HLA-DOA: variants seen among roughly 807,000 people sequenced by gnomAD.
HLA-DOA encodes the protein HLA class II histocompatibility antigen, DO alpha chain.
In HLA-DOA, 27 loss-of-function variants were observed where a neutral mutation model predicts 22.9. The observed-to-expected ratio is 1.18, with a 90% CI of 0.87 to 1.62. HLA-DOA has a LOEUF of 1.62. Among genes scored for constraint, HLA-DOA ranks in the 40% most tolerant of loss-of-function variants. The pLI is 0.00. For missense variants in HLA-DOA, 324 were observed against 332.4 expected, an observed-to-expected ratio of 0.97 and a Z score of 0.20; for synonymous variants, 137 against 138.6, an observed-to-expected ratio of 0.99 and a Z score of 0.08.
At position 33,007,487 on chromosome 6, in the gene HLA-DOA, G is replaced by C; in HGVS notation, c.437C>G (p.Thr146Ser). 6.2e-7 allele frequency: 1 copy of C among 1,612,906 alleles called. No individual in the cohort carries two copies. Among genetic ancestry groups the C allele is most frequent in the Non-Finnish European group, 8.5e-7 (1 of 1,179,948 alleles). ...GACAGTTTGGCCGTTGCGCAGCCAG[G>C]TGATATTGATCACAGGGGGGAAGAT... ...DNIFPPVINI[T>S]WLRNGQTVTE... The change falls in exon 3 of 5, where the codon ACC becomes AGC. Residue 146 changes from threonine (T) to serine (S), a missense_variant. Transcript: ENST00000229829.
At position 33,008,193 on chromosome 6, in the gene HLA-DOA, C is replaced by A; in HGVS notation, c.151G>T (p.Glu51Ter). The A allele has an allele frequency of 6.2e-7, 1 of 1,613,104 alleles. No individual in the cohort carries two copies. The highest frequency in any genetic ancestry group is 8.5e-7 in the Non-Finnish European group (1 of 1,180,038). ...GAGAACAGCTGTTCCTCATCAAATT[C>A]ATGGGTGAACTGGCCCGAGGCGCCG... ...SYGASGQFTH[E>*]FDEEQLFSVD... Residue 51 changes from glutamate (E) to a stop codon, truncating the protein, a stop_gained, in exon 2 of 5, where the codon GAA (glutamate) becomes TAA (stop). Coordinates refer to ENST00000229829, the MANE Select transcript of HLA-DOA (RefSeq NM_002119.4). LOFTEE classifies it high-confidence loss of function.
chr6:33,006,768 G>A lies in HLA-DOA; in HGVS notation c.*70C>T, dbSNP rs1383244191. On this transcript the variant is annotated 3_prime_UTR_variant, in exon 5 of 5. Transcript: ENST00000229829. ...GATGCACTTAAAGGGCACTGAGCAC[G>A]CAGGGGCTGTCACAAACCCATGAGG... The A allele has an allele frequency of 1.2e-5, 20 of 1,612,404 alleles. No homozygotes were observed. Among genetic ancestry groups the A allele is most frequent in the South Asian group, 3.3e-5 (3 of 91,072 alleles).
chr6:33,006,732 C>T lies in HLA-DOA; in HGVS notation c.*106G>A. 6.3e-7 allele frequency: 1 copy of T among 1,594,606 alleles called. No homozygotes were observed. Among genetic ancestry groups the T allele is most frequent in the Non-Finnish European group, 8.6e-7 (1 of 1,163,532 alleles). ...GACAGATGTTGATCCCACTCAAAGT[C>T]AGCACAGCGGGATGCACTTAAAGGG... On this transcript the variant is annotated 3_prime_UTR_variant, in exon 5 of 5. Coordinates refer to ENST00000229829, the MANE Select transcript of HLA-DOA (RefSeq NM_002119.4).
chr6:33,007,952 C>G (rs1027981654), intron 2 of HLA-DOA, 61 bp downstream of exon 2: 12 of 1,558,404 alleles, frequency 7.7e-6, no homozygotes, highest in African/African-American at 1.4e-5. Context: ...AGCCTAGGAA[C>G]TGGGAGGAAG....
At chr6:33,008,981 G>C (rs1363831007) in intron 1 of HLA-DOA, among the ~76,000 whole-genome samples, 2 of 152,188 alleles carry the variant, frequency 1.3e-5, no homozygotes, top group Non-Finnish European at 2.9e-5. Flanking sequence ...CAGCACAATG[G>C]GGGGCCAGGG....
Position 33,006,315 on chromosome 6 carries a change from C to A in HLA-DOA, c.*523G>T. ...CCCATGAGCCTGTCCTGTCCCAGCA[C>A]CCTTCAGAACTGTTGTTAGCTGAGG... On this transcript the variant is annotated 3_prime_UTR_variant, in exon 5 of 5. Transcript: ENST00000229829. 5.3e-6 allele frequency: 1 copy of A among 189,302 alleles called. No individual in the cohort carries two copies. The highest frequency in any genetic ancestry group is 1.3e-4 in the East Asian group (1 of 7,670). The allele number at this position is 189,302 out of a possible 1,614,324, so 11.7% of individuals were successfully genotyped here. A position where few individuals can be genotyped will look rare whatever the true frequency, so the allele number is the denominator to read the frequency against.
chr6:33,008,501 G>T (rs758514509), intron 1 of HLA-DOA: 165 of 1,091,662 alleles, frequency 1.5e-4, no homozygotes, highest in Non-Finnish European at 1.9e-4. Context: ...TATCAGGATG[G>T]GAAGAGGAGG....
In HLA-DOA at chr6:33,004,320, T is replaced by TC. The variant is rs1780727729; in HGVS notation, c.*2517dup. The TC allele has an allele frequency of 6.6e-6, 1 of 152,158 alleles. No homozygotes were observed. Among genetic ancestry groups the TC allele is most frequent in the Non-Finnish European group, 1.5e-5 (1 of 68,026 alleles). 9.4% of individuals were successfully genotyped at this position (152,158 alleles called of 1,614,324 possible). ...TCAGAGATTGTTGGGTACACACGTA[T>TC]CTTGTGATGTCTTCTGAGAACCAAC... On this transcript the variant is annotated 3_prime_UTR_variant, in exon 5 of 5. Coordinates refer to ENST00000229829, the MANE Select transcript of HLA-DOA (RefSeq NM_002119.4).
chr6:33,007,023 C>A, intron 4 of HLA-DOA, 57 bp downstream of exon 4: 2 of 1,569,988 alleles, frequency 1.3e-6, no homozygotes, highest in Non-Finnish European at 8.7e-7. Context: ...CACCCACGTC[C>A]TGTTCAGAGT....
chr6:33,009,553 A>T lies in HLA-DOA; in HGVS notation c.-17T>A. 1 of 1,578,730 alleles carries T rather than the reference A, an allele frequency of 6.3e-7. No homozygotes were observed. The highest frequency in any genetic ancestry group is 8.6e-7 in the Non-Finnish European group (1 of 1,160,966). On this transcript the variant is annotated 5_prime_UTR_variant, in exon 1 of 5. Coordinates refer to ENST00000229829, the MANE Select transcript of HLA-DOA (RefSeq NM_002119.4). The surrounding 1 kb of genome is among the most constrained non-coding windows in gnomAD (Gnocchi z 4.8). ...GAGGGCCATTACACTCTGGTGCTTT[A>T]ATCAAATCAGTCTCAGTCCGTGTGG...
intron 2 of HLA-DOA, 109 bp downstream of exon 2, chr6:33,007,904 C>T: frequency 7.2e-7 from 1 of 1,391,202 alleles, no homozygotes; most frequent in Non-Finnish European, 9.7e-7. Flanking sequence ...CAGGGCATGA[C>T]AGGCGCGGGC....
At position 33,007,112 on chromosome 6, in the gene HLA-DOA, G is replaced by C; in HGVS notation, c.717C>G (p.Ile239Met). The C allele has an allele frequency of 1.9e-6, 3 of 1,613,784 alleles. No homozygotes were observed. The highest frequency in any genetic ancestry group is 2.5e-6 in the Non-Finnish European group (3 of 1,179,972). ...LVGFLVGTVL[I>M]IMGTYVSSVP... Reference sequence around the variant, plus strand: ...CACTGGACACATATGTGCCCATGATGATGAGGACGGTGCCCACGAGGAAGC... The same window carrying C: ...CACTGGACACATATGTGCCCATGATCATGAGGACGGTGCCCACGAGGAAGC... The change falls in exon 4 of 5, where the codon ATC becomes ATG. Residue 239 changes from isoleucine to methionine, a missense_variant. Ile to Met is a conservative substitution (Grantham distance 10). Coordinates refer to ENST00000229829, the MANE Select transcript of HLA-DOA (RefSeq NM_002119.4).
At position 33,009,096 on chromosome 6, in the gene HLA-DOA, TACTGCA is replaced by T. The variant is rs1476150047; in HGVS notation, c.82+353_82+358del. Among the ~76,000 whole-genome samples the T allele has an allele frequency of 6.6e-6, 1 of 152,108 alleles. No individual in the cohort carries two copies. The highest frequency in any genetic ancestry group is 2.4e-5 in the African/African-American group (1 of 41,384). ...AGTTAACTACCGGCATGGGCATAAA[TACTGCA>T]ACAGAACTGGACTTGATCGGGCACA... On this transcript the variant is annotated intron_variant, in intron 1 of 4. Coordinates refer to ENST00000229829, the MANE Select transcript of HLA-DOA (RefSeq NM_002119.4). This position sits in a 1 kb window ranked among gnomAD's most constrained non-coding sequence, Gnocchi z 4.8.
intron 4 of HLA-DOA, 81 bp downstream of exon 4, chr6:33,006,999 A>G: frequency 6.5e-7 from 1 of 1,534,678 alleles, no homozygotes. Context: ...CCCACAACAG[A>G]ATCTCTGATT....
At position 33,006,473 on chromosome 6, in the gene HLA-DOA, C is replaced by G; in HGVS notation, c.*365G>C. Reference sequence around the variant, plus strand: ...AATGGGCCAAATGGAGCAAGACACACCTGTGTGGGCCCCAGGATGGCTGCC... The same window carrying G: ...AATGGGCCAAATGGAGCAAGACACAGCTGTGTGGGCCCCAGGATGGCTGCC... On this transcript the variant is annotated 3_prime_UTR_variant, in exon 5 of 5. Coordinates refer to ENST00000229829, the MANE Select transcript of HLA-DOA (RefSeq NM_002119.4). The G allele has an allele frequency of 2.1e-6, 1 of 473,656 alleles. No homozygotes were observed. The allele number at this position is 473,656 out of a possible 1,614,324, so 29.3% of individuals were successfully genotyped here.
At chr6:33,007,712 T>G in intron 2 of HLA-DOA, 120 bp from the exon 3 acceptor site, 1 of 1,182,870 alleles carries the variant, frequency 8.5e-7, no homozygotes, top group Non-Finnish European at 1.2e-6. Context: ...CTCTGGGGTA[T>G]CCACTGGGGC....
Position 33,009,519 on chromosome 6 carries a change from C to G in HLA-DOA, c.18G>C (p.Gly6=). 6.2e-7 allele frequency: 1 copy of G among 1,605,350 alleles called. No homozygotes were observed. The change falls in exon 1 of 5, where the codon GGG becomes GGC. Residue 6 remains glycine, a synonymous_variant. Transcript: ENST00000229829. This position sits in a 1 kb window ranked among gnomAD's most constrained non-coding sequence, Gnocchi z 4.8. ...TCAGGGTGTGGAACCCCAGGACCAG[C>G]CCTGCTCTGAGGGCCATTACACTCT... MALRA[G]LVLGFHTLMT...
rs780308443 is a variant in HLA-DOA at position 33,007,390 on chromosome 6, G to C, written c.534C>G (p.Pro178=). The C allele has an allele frequency of 6.2e-7, 1 of 1,605,334 alleles. No individual in the cohort carries two copies. Among genetic ancestry groups the C allele is most frequent in the Non-Finnish European group, 8.5e-7 (1 of 1,175,230 alleles). ...DHLFRKFHYL[P]FVPSAEDVYD... ...AGACGTCCTCGGCTGAGGGCACGAA[G>C]GGCAGGTAGTGGAACTTGCGGAACA... Residue 178 remains proline, a synonymous_variant, in exon 3 of 5, where the codon CCC becomes CCG. Transcript: ENST00000229829.
rs200074657 is a variant in HLA-DOA at position 33,008,279 on chromosome 6, A to G, written c.83-18T>C. ...GTGGTCAGCTGTGTTTGGCGAGTTC[A>G]GGGTCAAGGAGAGAGAAAAAAATGT... On this transcript the variant is annotated intron_variant, in intron 1 of 4. Transcript: ENST00000229829. 3.0e-3 allele frequency: 4,740 copies of G among 1,605,858 alleles called. 161 individuals carry two copies. The South Asian group carries it at 0.047, about 16-fold the overall frequency.
Sources: allele counts gnomAD v4.1 joint callset (sites outside exome capture counted in the v4.1 genomes callset), GRCh38; gene constraint gnomAD v4.1.1; non-coding constraint Gnocchi (gnomAD v3.1); transcripts MANE v1.5; gene names NCBI Gene and HGNC (gene_info 2026-07-23, HGNC 2026-07-21).